DNAJC5B: variants seen among roughly 807,000 people sequenced by gnomAD.
DNAJC5B encodes the protein DnaJ heat shock protein family (Hsp40) member C5 beta, also known as dnaJ homolog subfamily C member 5B.
A neutral mutation model predicts 24.7 loss-of-function variants in DNAJC5B; 23 were observed. The observed-to-expected ratio is 0.93, with a 90% confidence interval of 0.67 to 1.32. The LOEUF (loss-of-function observed/expected upper bound fraction) is 1.32. DNAJC5B is among the 40% of genes most tolerant of loss of function. The probability of loss-of-function intolerance (pLI) is 0.00; values close to 1 mark genes in which losing one functional copy is unlikely to be tolerated. For missense variants in DNAJC5B, 238 were observed against 240.8 expected, an observed-to-expected ratio of 0.99 and a Z score of 0.08; for synonymous variants, 101 against 90.1, an observed-to-expected ratio of 1.12 and a Z score of -0.68.
chr8:66,036,956 C>G (rs1017364678), intron 1 of DNAJC5B, among the ~76,000 whole-genome samples: 6 of 152,302 alleles, frequency 3.9e-5, no homozygotes, highest in African/African-American at 2.4e-5. Context: ...CAGCTCTGGT[C>G]GGTTCTGCGG....
chr8:66,019,825 C>T (rs927951190), upstream of DNAJC5B, among the ~76,000 whole-genome samples: 4 of 152,258 alleles, frequency 2.6e-5, no homozygotes, highest in Non-Finnish European at 5.9e-5. Flanking sequence ...TTCAAAAAAC[C>T]TCTTGTAGCT....
intron 4 of DNAJC5B, among the ~76,000 whole-genome samples, chr8:66,077,130 A>G (rs1586105175): frequency 6.6e-6 from 1 of 152,254 alleles, no homozygotes; most frequent in Admixed American, 6.5e-5. Flanking sequence ...TTAATTCTTT[A>G]TAATGACTAA....
At chr8:66,034,602 AG>A (rs748358401) in intron 1 of DNAJC5B, among the ~76,000 whole-genome samples, 61 of 151,880 alleles carry the variant, frequency 4.0e-4, no homozygotes, top group Non-Finnish European at 7.1e-4. Context: ...GCAAAGCTGG[AG>A]TTTCAGATTT....
chr8:66,076,080 T>C lies in DNAJC5B; in HGVS notation c.120-580T>C, dbSNP rs116072964. Among the ~76,000 whole-genome samples, 797 of 152,342 alleles carry C rather than the reference T, an allele frequency of 5.2e-3. 11 individuals carry two copies. The highest frequency in any genetic ancestry group is 0.018 in the African/African-American group (767 of 41,566). The stretch of plus-strand genomic sequence containing the variant: ...CTATAGATTATTAAGTGGAAAACCC[T>C]ATTTAGAAAGAGGCCAAATATGCAT... On this transcript the variant is annotated intron_variant, in intron 3 of 5. Coordinates refer to ENST00000276570, the MANE Select transcript of DNAJC5B (RefSeq NM_033105.6).
intron 5 of DNAJC5B, among the ~76,000 whole-genome samples, chr8:66,087,356 G>A (rs1050925081): frequency 6.6e-6 from 1 of 152,128 alleles, no homozygotes; most frequent in Middle Eastern, 3.2e-3. Flanking sequence ...TCAACTCATG[G>A]AGATTACAAT....
rs1042313840 is a variant in DNAJC5B at position 66,023,410 on chromosome 8, GCA to G, written c.-142+1707_-142+1708del. Among the ~76,000 whole-genome samples the G allele has an allele frequency of 9.1e-4, 138 of 152,150 alleles. 1 individual carries two copies. The highest frequency in any genetic ancestry group is 3.1e-3 in the African/African-American group (127 of 41,510). ...AAGCTTTGGTCAATGACAAGAAAAA[GCA>G]CTGAAGACCCCATTCAAAACACTGA... On this transcript the variant is annotated intron_variant, in intron 1 of 5. Coordinates refer to ENST00000276570, the MANE Select transcript of DNAJC5B (RefSeq NM_033105.6).
intron 1 of DNAJC5B, among the ~76,000 whole-genome samples, chr8:66,032,523 G>A (rs1366414423): frequency 2.0e-5 from 3 of 152,258 alleles, no homozygotes; most frequent in East Asian, 3.9e-4. Flanking sequence ...CAGTGACAGT[G>A]CCCCCATGAG....
chr8:66,080,119 G>A (rs1807559002), intron 4 of DNAJC5B, among the ~76,000 whole-genome samples: 1 of 152,072 alleles, frequency 6.6e-6, no homozygotes, highest in African/African-American at 2.4e-5. Flanking sequence ...AAAAAAGGAA[G>A]GCCATACTTT....
the DNAJC5B span, among the ~76,000 whole-genome samples, chr8:66,015,794 G>C: frequency 6.6e-6 from 1 of 152,180 alleles, no homozygotes; most frequent in Non-Finnish European, 1.5e-5. Flanking sequence ...AAAGGGAATA[G>C]TTAATGGTTT....
At chr8:66,055,510 T>A (rs1354004427) in intron 3 of DNAJC5B, among the ~76,000 whole-genome samples, 2 of 152,246 alleles carry the variant, frequency 1.3e-5, no homozygotes, top group Non-Finnish European at 2.9e-5. Flanking sequence ...AAAAAGATAA[T>A]CTTTCATTTG....
chr8:66,051,605 C>G lies in DNAJC5B; in HGVS notation c.58C>G (p.Leu20Val). The G allele has an allele frequency of 6.2e-7, 1 of 1,614,096 alleles. No homozygotes were observed. Among genetic ancestry groups the G allele is most frequent in the Non-Finnish European group, 8.5e-7 (1 of 1,180,002 alleles). ...QRTLSTTGEALYEILGLHKGA... is the reference protein window; with the variant it reads ...QRTLSTTGEAVYEILGLHKGA... ...GACTCTGTCAACAACAGGAGAAGCT[C>G]TATACGAAATTCTTGGTCTGCATAA... The change falls in exon 3 of 6, where the codon CTA (leucine) becomes GTA (valine). Residue 20 changes from leucine to valine, a missense_variant. Coordinates refer to ENST00000276570, the MANE Select transcript of DNAJC5B (RefSeq NM_033105.6).
At chr8:66,036,483 A>T (rs1393973346) in intron 1 of DNAJC5B, among the ~76,000 whole-genome samples, 1 of 152,200 alleles carries the variant, frequency 6.6e-6, no homozygotes, top group Non-Finnish European at 1.5e-5. Flanking sequence ...AGAAGAATGC[A>T]CCAAGAGGGC....
intron 4 of DNAJC5B, among the ~76,000 whole-genome samples, chr8:66,079,948 C>T (rs1008163418): frequency 1.3e-5 from 2 of 152,164 alleles, no homozygotes; most frequent in African/African-American, 2.4e-5. Flanking sequence ...GGGGAGGTAT[C>T]GGACAGTTCA....
At chr8:66,065,150 C>T (rs764183415) in intron 3 of DNAJC5B, among the ~76,000 whole-genome samples, 3 of 152,198 alleles carry the variant, frequency 2.0e-5, no homozygotes, top group Non-Finnish European at 4.4e-5. Flanking sequence ...TGGTTCTGTA[C>T]GAGGGAAAAG....
At chr8:66,033,770 CTTTTTTTTT>C (rs765814272) in intron 1 of DNAJC5B, among the ~76,000 whole-genome samples, 4 of 105,392 alleles carry the variant, frequency 3.8e-5, no homozygotes, top group African/African-American at 8.0e-5. Context: ...GATCATTCCG[CTTTTTTTTT>C]TTTTTTTTTT....
At chr8:66,046,929 C>G (rs918486183) in intron 2 of DNAJC5B, among the ~76,000 whole-genome samples, 1 of 152,228 alleles carries the variant, frequency 6.6e-6, no homozygotes, top group South Asian at 2.1e-4. Context: ...AATAGCTATC[C>G]TTGGATGAAG....
chr8:66,088,485 C>A (rs1293982758), intron 5 of DNAJC5B, among the ~76,000 whole-genome samples: 3 of 152,194 alleles, frequency 2.0e-5, no homozygotes, highest in Non-Finnish European at 2.9e-5. Flanking sequence ...GAATTCCTCC[C>A]CAGAAAATGG....
intron 5 of DNAJC5B, among the ~76,000 whole-genome samples, chr8:66,088,582 A>G (rs998675401): frequency 6.6e-6 from 1 of 152,162 alleles, no homozygotes; most frequent in South Asian, 2.1e-4. Context: ...ATTTCAAACC[A>G]TCTCTTTGTG....
At chr8:66,082,976 T>C (rs1395053287) in intron 5 of DNAJC5B, among the ~76,000 whole-genome samples, 1 of 151,292 alleles carries the variant, frequency 6.6e-6, no homozygotes, top group Non-Finnish European at 1.5e-5. Flanking sequence ...AATATAGCAA[T>C]AATTTTGTAA....
Sources: gnomAD v4.1 joint callset for allele counts (sites outside exome capture counted in the v4.1 genomes callset) on GRCh38, gnomAD v4.1.1 for gene constraint, MANE v1.5 for transcripts, NCBI Gene and HGNC (gene_info 2026-07-23, HGNC 2026-07-21) for gene names.